Variants in SH2D4B observed in about 807,000 individuals in gnomAD.
The protein encoded by SH2D4B is SH2 domain containing 4B, also known as SH2 domain-containing protein 4B.
A neutral mutation model predicts 61.5 loss-of-function variants in SH2D4B; 45 were observed. The observed-to-expected ratio is 0.73, with a 90% confidence interval of 0.58 to 0.94. The LOEUF (loss-of-function observed/expected upper bound fraction) is 0.94, where lower values mean the gene tolerates loss of function less well. Among genes scored for constraint, SH2D4B ranks in the 40% least tolerant of loss-of-function variants. The probability of loss-of-function intolerance (pLI) is 0.00; values close to 1 mark genes in which losing one functional copy is unlikely to be tolerated. For missense variants in SH2D4B, 572 were observed against 574.2 expected, an observed-to-expected ratio of 1.00 and a Z score of 0.04; for synonymous variants, 224 against 220.4, an observed-to-expected ratio of 1.02 and a Z score of -0.14.
intron 6 of SH2D4B, among the ~76,000 whole-genome samples, chr10:80,614,456 G>A (rs2132148094): frequency 6.6e-6 from 1 of 152,210 alleles, no homozygotes; most frequent in East Asian, 1.9e-4. Context: ...CTCTCACCAG[G>A]CCCTACTTCC....
chr10:80,643,945 T>TA, intron 7 of SH2D4B, 48 bp from the exon 8 acceptor site: 1 of 1,468,572 alleles, frequency 6.8e-7, no homozygotes. Context: ...TAGATGTGTA[T>TA]TTCCCTGTCT....
At chr10:80,591,409 C>A (rs1446755073) in intron 4 of SH2D4B, among the ~76,000 whole-genome samples, 1 of 151,286 alleles carries the variant, frequency 6.6e-6, no homozygotes, top group African/African-American at 2.4e-5. Flanking sequence ...GGGGCTGAGT[C>A]TGGTAAGGGC....
intron 6 of SH2D4B, among the ~76,000 whole-genome samples, chr10:80,618,788 G>T (rs561282894): frequency 6.6e-6 from 1 of 152,268 alleles, no homozygotes; most frequent in South Asian, 2.1e-4. Flanking sequence ...TCTTTCTTTT[G>T]AGGGTGAAGT....
At chr10:80,543,850 G>A (rs894294325) in intron 1 of SH2D4B, among the ~76,000 whole-genome samples, 27 of 152,214 alleles carry the variant, frequency 1.8e-4, no homozygotes, top group Middle Eastern at 3.4e-3. Flanking sequence ...CTCTGGTGGG[G>A]ACTTGGAGAA....
chr10:80,572,980 A>ATGTGTTTTTTTTT (rs1842076972), intron 3 of SH2D4B, among the ~76,000 whole-genome samples: 1 of 9,322 alleles, frequency 1.1e-4, no homozygotes, highest in Non-Finnish European at 1.8e-4. Flanking sequence ...ATATATATAT[A>ATGTGTTTTTTTTT]TATATATTTT....
chr10:80,554,982 C>CAGGAGA, intron 1 of SH2D4B, among the ~76,000 whole-genome samples: 1 of 131,126 alleles, frequency 7.6e-6, no homozygotes, highest in Non-Finnish European at 1.5e-5. Flanking sequence ...GCACTCCAGC[C>CAGGAGA]TGGGCGACAA....
chr10:80,564,910 A>G (rs548102317), intron 1 of SH2D4B, among the ~76,000 whole-genome samples: 2 of 152,384 alleles, frequency 1.3e-5, no homozygotes, highest in South Asian at 2.1e-4. Context: ...TGATTTGCCA[A>G]TCGGGCAGCA....
At chr10:80,627,841 A>G (rs75541146) in intron 6 of SH2D4B, among the ~76,000 whole-genome samples, 2,157 of 152,106 alleles carry the variant, frequency 0.014, 46 homozygotes, top group African/African-American at 0.05. Context: ...GTTCCTGGAA[A>G]CTATAGGAAA....
intron 4 of SH2D4B, among the ~76,000 whole-genome samples, chr10:80,591,459 G>A (rs1842325520): frequency 6.6e-6 from 1 of 151,636 alleles, no homozygotes; most frequent in South Asian, 2.1e-4. Context: ...CCGAGGCAGT[G>A]GAAGGCATCA....
At chr10:80,590,146 T>C (rs545996297) in intron 4 of SH2D4B, among the ~76,000 whole-genome samples, 3 of 152,072 alleles carry the variant, frequency 2.0e-5, no homozygotes, top group East Asian at 3.9e-4. Flanking sequence ...CAAGAGTGTT[T>C]ATTGTGATTT....
At chr10:80,619,322 C>T (rs893731386) in intron 6 of SH2D4B, among the ~76,000 whole-genome samples, 4 of 152,214 alleles carry the variant, frequency 2.6e-5, no homozygotes, top group Non-Finnish European at 5.9e-5. Flanking sequence ...TTACTCACTG[C>T]AGCCTGTAAC....
intron 3 of SH2D4B, among the ~76,000 whole-genome samples, chr10:80,580,307 G>A (rs779462428): frequency 1.4e-4 from 22 of 152,186 alleles, no homozygotes; most frequent in Non-Finnish European, 2.5e-4. Flanking sequence ...ATGCTGACCA[G>A]GTTAGCTGAG....
chr10:80,634,233 AG>A, intron 6 of SH2D4B, 51 bp from the exon 7 acceptor site: 1 of 1,471,996 alleles, frequency 6.8e-7, no homozygotes, highest in Non-Finnish European at 9.0e-7. Context: ...ATCGTGGGGG[AG>A]GCAGTCGCAG....
intron 1 of SH2D4B, among the ~76,000 whole-genome samples, chr10:80,541,187 G>A (rs1442307423): frequency 6.6e-6 from 1 of 152,124 alleles, no homozygotes; most frequent in Non-Finnish European, 1.5e-5. Context: ...GAGATTTCAG[G>A]GAACCCCCTG....
Position 80,538,418 on chromosome 10 carries a change from C to T in SH2D4B, c.87C>T (p.Tyr29=), listed in dbSNP as rs141893264. ...LSDVQKHILF[Y]KMREEQLRRW... ...ATGTGCAGAAGCACATCCTCTTCTA[C>T]AAAATGCGGGAGGAGCAGCTGAGGC... is the stretch of plus-strand genomic sequence containing the variant. Residue 29 remains tyrosine (Y), a synonymous_variant, in exon 1 of 8, where the codon TAC becomes TAT. Coordinates refer to ENST00000646907, the MANE Select transcript of SH2D4B (RefSeq NM_001388272.1). The surrounding 1 kb of genome is among the most constrained non-coding windows in gnomAD (Gnocchi z 4.8). The T allele has an allele frequency of 1.2e-3, 1,752 of 1,491,322 alleles. 3 individuals carry two copies. Among genetic ancestry groups the T allele is most frequent in the Middle Eastern group, 3.7e-3 (19 of 5,134 alleles). 92.4% of individuals were successfully genotyped at this position (1,491,322 alleles called of 1,614,324 possible).
At chr10:80,557,712 G>T (rs1841856559) in intron 1 of SH2D4B, among the ~76,000 whole-genome samples, 1 of 152,082 alleles carries the variant, frequency 6.6e-6, no homozygotes, top group South Asian at 2.1e-4. Context: ...CCTGAAAGTT[G>T]TGTCTTCTCT....
At chr10:80,573,544 C>T (rs548447560) in intron 3 of SH2D4B, among the ~76,000 whole-genome samples, 81 of 152,228 alleles carry the variant, frequency 5.3e-4, no homozygotes, top group Non-Finnish European at 2.5e-4. Flanking sequence ...TATTTTCTTC[C>T]AAATGGCAGC....
At chr10:80,584,864 G>A (rs1308629373) in intron 3 of SH2D4B, among the ~76,000 whole-genome samples, 1 of 152,196 alleles carries the variant, frequency 6.6e-6, no homozygotes. Flanking sequence ...CATCTAGATT[G>A]ATAACTTGAT....
intron 6 of SH2D4B, among the ~76,000 whole-genome samples, chr10:80,614,986 G>A (rs915980983): frequency 6.6e-6 from 1 of 152,232 alleles, no homozygotes; most frequent in Non-Finnish European, 1.5e-5. Flanking sequence ...TGTGGATGAG[G>A]GGCAAACCCA....
Sources: gnomAD v4.1 joint callset for allele counts (sites outside exome capture counted in the v4.1 genomes callset) on GRCh38, gnomAD v4.1.1 for gene constraint, Gnocchi (gnomAD v3.1) non-coding constraint, MANE v1.5 for transcripts, NCBI Gene and HGNC (gene_info 2026-07-23, HGNC 2026-07-21) for gene names.